Variants in WDR49 observed in about 807,000 individuals in gnomAD.
WDR49 encodes the protein cilia- and flagella-associated protein 337.
Under a neutral mutation model 119.5 loss-of-function variants are expected in WDR49, and 107 were observed. That is an observed-to-expected ratio of 0.90 (90% CI 0.77 to 1.05). The LOEUF is 1.05. Among genes scored for constraint, WDR49 ranks in the 50% least tolerant of loss-of-function variants. The pLI is 0.00. For missense variants in WDR49, 1,240 were observed against 1,220.5 expected (o/e 1.02, Z -0.24); for synonymous variants, 425 against 418.8 (o/e 1.01, Z -0.18).
At chr3:167,486,523 C>T (rs540776320) in intron 18 of WDR49, among the ~76,000 whole-genome samples, 186 of 152,178 alleles carry the variant, frequency 1.2e-3, no homozygotes, top group African/African-American at 4.1e-3. Flanking sequence ...TCACATGTAA[C>T]AATGCCTACA....
intron 6 of WDR49, 96 bp from the exon 7 acceptor site, chr3:167,602,371 G>C (rs1715818859): frequency 1.8e-6 from 2 of 1,136,024 alleles, no homozygotes; most frequent in Non-Finnish European, 2.4e-6. Flanking sequence ...ACTCTAGCTT[G>C]ATGAATGTCA....
intron 3 of WDR49, among the ~76,000 whole-genome samples, chr3:167,621,855 G>A (rs763133082): frequency 6.6e-6 from 1 of 152,072 alleles, no homozygotes; most frequent in South Asian, 2.1e-4. Context: ...AGAGGCATTT[G>A]AACATGCTTT....
At chr3:167,494,108 G>C (rs187804219) in intron 18 of WDR49, among the ~76,000 whole-genome samples, 4 of 152,214 alleles carry the variant, frequency 2.6e-5, no homozygotes, top group South Asian at 4.1e-4. Flanking sequence ...TAGTGTGCTA[G>C]CTATTGTGCT....
chr3:167,566,823 T>C (rs1341543143), intron 8 of WDR49: 2 of 642,668 alleles, frequency 3.1e-6, no homozygotes, highest in Non-Finnish European at 5.6e-6. Context: ...AGAGAAAATA[T>C]ACTTACTATT....
At chr3:167,588,964 T>C (rs1354595464) in intron 7 of WDR49, among the ~76,000 whole-genome samples, 1 of 151,700 alleles carries the variant, frequency 6.6e-6, no homozygotes, top group Non-Finnish European at 1.5e-5. Flanking sequence ...CATCCATTTT[T>C]TCTTCAGTTG....
intron 16 of WDR49, among the ~76,000 whole-genome samples, chr3:167,506,359 T>C (rs1311204472): frequency 6.6e-6 from 1 of 152,218 alleles, no homozygotes; most frequent in Non-Finnish European, 1.5e-5. Context: ...AGTTCAGAAA[T>C]GTGCCTAATA....
intron 16 of WDR49, among the ~76,000 whole-genome samples, chr3:167,508,145 A>G (rs971239495): frequency 2.0e-5 from 3 of 152,162 alleles, no homozygotes; most frequent in Non-Finnish European, 2.9e-5. Flanking sequence ...ACAATTACTC[A>G]AGTACCCTCC....
Position 167,627,251 on chromosome 3 carries a change from G to A in WDR49, c.207C>T (p.Asp69=). The change falls in exon 3 of 19, where the codon GAC becomes GAT. Residue 69 remains aspartate, a synonymous_variant. Coordinates refer to ENST00000682715, the MANE Select transcript of WDR49 (RefSeq NM_001366157.1). ...PRKIICMSRE[D]FTQKMTEIVG... is the part of the protein sequence containing the mutation. ...CAATCTCTGTCATCTTCTGCGTGAA[G>A]TCTTCTCTGGACATACAAATGATTT... 5 of 1,248,606 alleles carry A rather than the reference G, an allele frequency of 4.0e-6. No individual in the cohort carries two copies. The highest frequency in any genetic ancestry group is 5.0e-6 in the Non-Finnish European group (5 of 996,424). 77.3% of individuals were successfully genotyped at this position (1,248,606 alleles called of 1,614,324 possible). A position where few individuals can be genotyped will look rare whatever the true frequency, so the allele number is the denominator to read the frequency against.
At chr3:167,561,595 G>C (rs903506491) in intron 8 of WDR49, among the ~76,000 whole-genome samples, 1 of 152,150 alleles carries the variant, frequency 6.6e-6, no homozygotes, top group South Asian at 2.1e-4. Flanking sequence ...TTGCTGGAGT[G>C]GGGGATTGGG....
chr3:167,559,931 C>T, intron 9 of WDR49, 133 bp downstream of exon 9: 1 of 863,516 alleles, frequency 1.2e-6, no homozygotes, highest in Non-Finnish European at 1.7e-6. Context: ...GGAGTTATTT[C>T]ACTCTTACCA....
intron 14 of WDR49, 134 bp downstream of exon 14, chr3:167,528,918 A>G: frequency 1.8e-6 from 1 of 570,026 alleles, no homozygotes; most frequent in Non-Finnish European, 2.7e-6. Flanking sequence ...AAACTTGTAA[A>G]TGTTTTATTT....
intron 18 of WDR49, among the ~76,000 whole-genome samples, chr3:167,490,199 CAT>C (rs1379896006): frequency 6.6e-6 from 1 of 152,128 alleles, no homozygotes; most frequent in African/African-American, 2.4e-5. Flanking sequence ...TAATAGTTTT[CAT>C]ATGACTCTCA....
intron 2 of WDR49, among the ~76,000 whole-genome samples, chr3:167,651,232 T>C (rs1335828476): frequency 1.3e-5 from 2 of 152,046 alleles, no homozygotes; most frequent in African/African-American, 4.8e-5. Flanking sequence ...ACAAGCAATC[T>C]GTGTAAGAAA....
chr3:167,656,899 C>T (rs1718617500), upstream of WDR49, among the ~76,000 whole-genome samples: 2 of 152,142 alleles, frequency 1.3e-5, no homozygotes. Context: ...ACACTTGCCC[C>T]CTTCTCCTGT....
chr3:167,481,179 GAAGA>G (rs1330315084), intron 18 of WDR49, among the ~76,000 whole-genome samples: 3 of 151,702 alleles, frequency 2.0e-5, no homozygotes, highest in African/African-American at 4.8e-5. Flanking sequence ...CAATCAAATT[GAAGA>G]AAGAGCAGCA....
At chr3:167,640,339 G>A (rs955432755) in intron 2 of WDR49, among the ~76,000 whole-genome samples, 2 of 151,684 alleles carry the variant, frequency 1.3e-5, no homozygotes, top group Non-Finnish European at 2.9e-5. Context: ...CAAGTCATTC[G>A]AATTATTAAC....
intron 2 of WDR49, among the ~76,000 whole-genome samples, chr3:167,637,930 A>G (rs1282260844): frequency 2.0e-5 from 3 of 151,536 alleles, no homozygotes; most frequent in Non-Finnish European, 4.4e-5. Flanking sequence ...TCATATCATC[A>G]GCAAACAGCA....
chr3:167,609,450 A>G (rs974844206), intron 5 of WDR49, among the ~76,000 whole-genome samples: 3 of 152,170 alleles, frequency 2.0e-5, no homozygotes, highest in Non-Finnish European at 2.9e-5. Context: ...GCAAAGCAGA[A>G]AGGAAACCTG....
chr3:167,581,390 C>CA, intron 7 of WDR49, among the ~76,000 whole-genome samples: 1 of 152,106 alleles, frequency 6.6e-6, no homozygotes, highest in Admixed American at 6.6e-5. Context: ...ATTTTCTCAT[C>CA]TTTCTGCTGA....
Sources: allele counts gnomAD v4.1 joint callset (sites outside exome capture counted in the v4.1 genomes callset), GRCh38; gene constraint gnomAD v4.1.1; transcripts MANE v1.5; gene names NCBI Gene and HGNC (gene_info 2026-07-23, HGNC 2026-07-21).